Variants in NALF1 observed in about 807,000 individuals in gnomAD.
NALF1 encodes the protein family with sequence similarity 155 member A.
In NALF1, 3 loss-of-function variants were observed where a neutral mutation model predicts 48.4. The observed-to-expected ratio is 0.06, with a 90% CI of 0.03 to 0.16. The LOEUF is 0.16. NALF1 is among the 10% of genes least tolerant of loss of function. The pLI is 1.00. For synonymous variants in NALF1, 262 were observed against 245.7 expected (o/e 1.07, Z -0.62); for missense variants, 526 against 571.5 (o/e 0.92, Z 0.81).
chr13:107,761,301 G>C (rs1479290044), intron 1 of NALF1, among the ~76,000 whole-genome samples: 1 of 151,728 alleles, frequency 6.6e-6, no homozygotes, highest in Non-Finnish European at 1.5e-5. Flanking sequence ...AGCTTGCAGC[G>C]TGCTGAGATC....
At chr13:107,528,181 T>C (rs1329776347) in intron 1 of NALF1, among the ~76,000 whole-genome samples, 3 of 152,138 alleles carry the variant, frequency 2.0e-5, no homozygotes, top group African/African-American at 7.2e-5. Context: ...AATCTGCATG[T>C]TGGTAATAGC....
At position 107,866,849 on chromosome 13, in the gene NALF1, C is replaced by T. The variant is rs1274961068; in HGVS notation, c.-253G>A. 1.3e-5 allele frequency: 7 copies of T among 528,368 alleles called. No individual in the cohort carries two copies. Among genetic ancestry groups the T allele is most frequent in the Non-Finnish European group, 2.3e-5 (7 of 300,600 alleles). 32.7% of individuals were successfully genotyped at this position (528,368 alleles called of 1,614,324 possible). A position where few individuals can be genotyped will look rare whatever the true frequency, so the allele number is the denominator to read the frequency against. ...AGGCTTTGAAGGAAGGTCTGACTTGCTTCCTAATCATCAGCCGACCCCATC... is the reference window on the plus strand; with the variant it reads ...AGGCTTTGAAGGAAGGTCTGACTTGTTTCCTAATCATCAGCCGACCCCATC... On this transcript the variant is annotated 5_prime_UTR_variant, in exon 1 of 3. Transcript: ENST00000375915. The surrounding 1 kb of genome is among the most constrained non-coding windows in gnomAD (Gnocchi z 4.4).
At chr13:107,748,643 T>A (rs1487390154) in intron 1 of NALF1, among the ~76,000 whole-genome samples, 4 of 152,210 alleles carry the variant, frequency 2.6e-5, no homozygotes, top group African/African-American at 9.6e-5. Context: ...ACAATATATT[T>A]TGAATCAGTA....
chr13:107,581,385 C>G (rs949652276), intron 1 of NALF1, among the ~76,000 whole-genome samples: 1 of 152,166 alleles, frequency 6.6e-6, no homozygotes, highest in Non-Finnish European at 1.5e-5. Context: ...CTTTGAGCTT[C>G]CTACTTAGCA....
At chr13:107,603,707 G>A (rs1878993810) in intron 1 of NALF1, among the ~76,000 whole-genome samples, 1 of 152,108 alleles carries the variant, frequency 6.6e-6, no homozygotes, top group African/African-American at 2.4e-5. Context: ...TATCATGTGG[G>A]GCACCAGTGA....
chr13:107,687,342 A>C (rs1881457691), intron 1 of NALF1, among the ~76,000 whole-genome samples: 1 of 152,052 alleles, frequency 6.6e-6, no homozygotes, highest in Non-Finnish European at 1.5e-5. Flanking sequence ...AGGGCTGCAA[A>C]TCTACTTCTT....
chr13:107,733,567 C>T (rs1342360159), intron 1 of NALF1, among the ~76,000 whole-genome samples: 1 of 151,826 alleles, frequency 6.6e-6, no homozygotes, highest in East Asian at 1.9e-4. Flanking sequence ...GAGAGTAACA[C>T]ATCATATATC....
chr13:107,563,321 GACAA>G (rs1042116203), intron 1 of NALF1, among the ~76,000 whole-genome samples: 7 of 152,132 alleles, frequency 4.6e-5, no homozygotes, highest in Non-Finnish European at 8.8e-5. Flanking sequence ...GATCCGTTGT[GACAA>G]ACAATCACTG....
chr13:107,818,396 T>C (rs1365997602), intron 1 of NALF1, among the ~76,000 whole-genome samples: 8 of 152,022 alleles, frequency 5.3e-5, no homozygotes. Context: ...TGGCCAGGAA[T>C]TGGAGACACT....
At chr13:107,418,881 G>A (rs972345272) in intron 1 of NALF1, among the ~76,000 whole-genome samples, 1 of 152,136 alleles carries the variant, frequency 6.6e-6, no homozygotes, top group African/African-American at 2.4e-5. Context: ...TCTCACTTAA[G>A]AATTCTTAAC....
chr13:107,575,338 A>G (rs1022549583), intron 1 of NALF1, among the ~76,000 whole-genome samples: 3 of 152,178 alleles, frequency 2.0e-5, no homozygotes, highest in African/African-American at 7.2e-5. Context: ...GTGCAAAGCT[A>G]TGGAGTGAGT....
At chr13:107,272,609 C>T (rs561628526) in intron 1 of NALF1, among the ~76,000 whole-genome samples, 8 of 152,236 alleles carry the variant, frequency 5.3e-5, no homozygotes, top group Non-Finnish European at 1.0e-4. Context: ...CTGTTCATTT[C>T]ATAACTGTAG....
intron 1 of NALF1, among the ~76,000 whole-genome samples, chr13:107,267,321 G>C (rs1206832446): frequency 2.6e-5 from 4 of 152,132 alleles, no homozygotes; most frequent in Non-Finnish European, 5.9e-5. Context: ...CAAGCAAAGT[G>C]ATGTAAGAAG....
At chr13:107,841,283 C>A (rs77098782) in intron 1 of NALF1, among the ~76,000 whole-genome samples, 2,911 of 152,194 alleles carry the variant, frequency 0.019, 51 homozygotes, top group African/African-American at 0.046. Context: ...TGTCACTGCC[C>A]AAACTACTGG....
At chr13:107,482,153 T>C (rs1056724745) in intron 1 of NALF1, among the ~76,000 whole-genome samples, 6 of 152,044 alleles carry the variant, frequency 3.9e-5, no homozygotes, top group Non-Finnish European at 5.9e-5. Context: ...TCCAATCAGA[T>C]AAAAGCTTTA....
chr13:107,223,075 A>G (rs1353577788), intron 1 of NALF1, among the ~76,000 whole-genome samples: 1 of 152,222 alleles, frequency 6.6e-6, no homozygotes, highest in African/African-American at 2.4e-5. Flanking sequence ...ACAATTTTGT[A>G]TAAGCTGTAA....
intron 1 of NALF1, among the ~76,000 whole-genome samples, chr13:107,505,957 T>C (rs1305935068): frequency 1.3e-5 from 2 of 152,182 alleles, no homozygotes; most frequent in East Asian, 1.9e-4. Context: ...AAGTAGATAG[T>C]ATAAAATGAA....
intron 1 of NALF1, among the ~76,000 whole-genome samples, chr13:107,640,465 G>A (rs1341742542): frequency 6.6e-6 from 1 of 151,944 alleles, no homozygotes; most frequent in African/African-American, 2.4e-5. Flanking sequence ...CAGTAAAATG[G>A]CATCCAAACT....
At chr13:107,363,154 C>A (rs1566496002) in intron 1 of NALF1, among the ~76,000 whole-genome samples, 1 of 152,214 alleles carries the variant, frequency 6.6e-6, no homozygotes, top group Admixed American at 6.5e-5. Context: ...TATCAGATAT[C>A]CCTCTAAAAA....
Sources: gnomAD v4.1 joint callset for allele counts (sites outside exome capture counted in the v4.1 genomes callset) on GRCh38, gnomAD v4.1.1 for gene constraint, Gnocchi (gnomAD v3.1) non-coding constraint, MANE v1.5 for transcripts, NCBI Gene and HGNC (gene_info 2026-07-23, HGNC 2026-07-21) for gene names.